The following CDH3 variants were observed in gnomAD, a reference collection of about 807,000 sequenced individuals.
The protein encoded by CDH3 is cadherin-3.
A neutral mutation model predicts 82.0 loss-of-function variants in CDH3; 54 were observed. That is an observed-to-expected ratio of 0.66 (90% CI 0.53 to 0.83). CDH3 has a LOEUF of 0.83. Among genes scored for constraint, CDH3 ranks in the 40% least tolerant of loss-of-function variants. CDH3 has a pLI of 0.00. For missense variants in CDH3, 1,054 were observed against 1,084.6 expected (o/e 0.97, Z 0.40); for synonymous variants, 446 against 437.9 (o/e 1.02, Z -0.23).
At chr16:68,679,487 G>A (rs1272564018) in intron 6 of CDH3, among the ~76,000 whole-genome samples, 1 of 152,072 alleles carries the variant, frequency 6.6e-6, no homozygotes, top group African/African-American at 2.4e-5. Flanking sequence ...GAGATCAGGA[G>A]TTTAAGACCA....
At chr16:68,686,576 G>T in intron 11 of CDH3, 2 of 1,239,058 alleles carry the variant, frequency 1.6e-6, no homozygotes, top group Admixed American at 3.4e-5. Flanking sequence ...TAGCGTGAAA[G>T]TTGGAGATAA....
At position 68,687,603 on chromosome 16, in the gene CDH3, C is replaced by T. The variant is rs1055568830; in HGVS notation, c.1662C>T (p.Thr554=). 5.6e-6 allele frequency: 9 copies of T among 1,614,018 alleles called. No individual in the cohort carries two copies. The African/African-American group carries it at 8.0e-5, about 14-fold the overall frequency. The change falls in exon 12 of 16, where the codon ACC becomes ACT. Residue 554 remains threonine, a synonymous_variant. Transcript: ENST00000264012. Reference sequence around the variant, plus strand: ...CAGTCCCTGAGCCCCGTCAGATCACCATCTGCAACCAAAGCCCTGTGCGCC... The same window carrying T: ...CAGTCCCTGAGCCCCGTCAGATCACTATCTGCAACCAAAGCCCTGTGCGCC... ...HGPVPEPRQI[T]ICNQSPVRQV...
downstream of CDH3, among the ~76,000 whole-genome samples, chr16:68,704,718 G>A (rs778232337): frequency 2.0e-4 from 31 of 152,292 alleles, no homozygotes; most frequent in South Asian, 4.1e-4. Flanking sequence ...ATGTTCTCCC[G>A]CCTCACAACC....
chr16:68,656,283 G>C (rs1960408014), intron 2 of CDH3, among the ~76,000 whole-genome samples: 1 of 152,156 alleles, frequency 6.6e-6, no homozygotes, highest in Non-Finnish European at 1.5e-5. Flanking sequence ...CCTGGAACCA[G>C]GATATTGGCC....
chr16:68,703,319 C>G (rs558343115), downstream of CDH3, among the ~76,000 whole-genome samples: 1 of 152,178 alleles, frequency 6.6e-6, no homozygotes, highest in African/African-American at 2.4e-5. Context: ...CACTCACTTC[C>G]GGGCCCACAA....
chr16:68,658,062 C>CTTTTT (rs113679101), intron 2 of CDH3, among the ~76,000 whole-genome samples: 4 of 126,138 alleles, frequency 3.2e-5, no homozygotes, highest in African/African-American at 8.7e-5. Flanking sequence ...CTTTTTCTTT[C>CTTTTT]TTTTTTTTTT....
chr16:68,731,368 CAAAAAAAAAAAAAAAAA>C (rs869074059), downstream of CDH3, among the ~76,000 whole-genome samples: 16 of 2,270 alleles, frequency 7.0e-3, 1 homozygote, highest in African/African-American at 0.013. Context: ...AACTCCGTCT[CAAAAAAAAAAAAAAAAA>C]AAAAAAAAAA....
chr16:68,665,166 T>G (rs1960699785), intron 2 of CDH3, among the ~76,000 whole-genome samples: 1 of 151,944 alleles, frequency 6.6e-6, no homozygotes, highest in Non-Finnish European at 1.5e-5. Flanking sequence ...CCCAGCACTT[T>G]GGGAGGCTGA....
At chr16:68,672,120 G>GGGGC (rs1960897819) in intron 2 of CDH3, among the ~76,000 whole-genome samples, 1 of 151,552 alleles carries the variant, frequency 6.6e-6, no homozygotes, top group Non-Finnish European at 1.5e-5. Flanking sequence ...TGAACCCCAG[G>GGGGC]GGGCGGAGCC....
intron 1 of CDH3, among the ~76,000 whole-genome samples, chr16:68,719,185 GT>G (rs750155031): frequency 3.3e-5 from 5 of 151,506 alleles, no homozygotes; most frequent in South Asian, 4.2e-4. Flanking sequence ...GGAGGTTGCA[GT>G]GAGTGGAGAT....
At position 68,645,342 on chromosome 16, in the gene CDH3, G is replaced by T; in HGVS notation, c.-38G>T. The T allele has an allele frequency of 6.2e-7, 1 of 1,607,920 alleles. No homozygotes were observed. The highest frequency in any genetic ancestry group is 8.5e-7 in the Non-Finnish European group (1 of 1,176,246). On this transcript the variant is annotated 5_prime_UTR_variant, in exon 1 of 16. Transcript: ENST00000264012. ...CAAGAGCTGAGCGGAACACCGGCCC[G>T]CCGTCGCGGCAGCTGCTTCACCCCT...
intron 3 of CDH3, 120 bp from the exon 4 acceptor site, chr16:68,678,014 A>G (rs1961080503): frequency 4.4e-6 from 4 of 908,872 alleles, no homozygotes; most frequent in South Asian, 2.7e-5. Context: ...CTCCCAAAGT[A>G]CTGGGATTAT....
downstream of CDH3, among the ~76,000 whole-genome samples, chr16:68,730,342 C>T (rs1167159342): frequency 1.3e-5 from 2 of 151,206 alleles, no homozygotes; most frequent in Non-Finnish European, 2.9e-5. Context: ...GCCTGACCAA[C>T]ATGCAGAAAC....
At chr16:68,677,466 G>A (rs973464950) in intron 3 of CDH3, among the ~76,000 whole-genome samples, 4 of 152,206 alleles carry the variant, frequency 2.6e-5, no homozygotes, top group Admixed American at 6.5e-5. Context: ...GGCCGAATGC[G>A]GTGGCTCACG....
intron 13 of CDH3, among the ~76,000 whole-genome samples, chr16:68,693,923 C>A (rs147645649): frequency 6.6e-6 from 1 of 152,134 alleles, no homozygotes; most frequent in African/African-American, 2.4e-5. Context: ...AGCCTGCCAG[C>A]CTTTCAGACC....
At chr16:68,732,161 C>A (rs1000005881), downstream of CDH3, among the ~76,000 whole-genome samples, 1 of 151,988 alleles carries the variant, frequency 6.6e-6, no homozygotes, top group South Asian at 2.1e-4. Flanking sequence ...GCAGCCCAGC[C>A]CAGCAGAGGT....
At chr16:68,684,543 C>T (rs768736745) in intron 9 of CDH3, 40 bp from the exon 10 acceptor site, 1 of 1,613,410 alleles carries the variant, frequency 6.2e-7, no homozygotes, top group South Asian at 1.1e-5. Flanking sequence ...GACCTCCTCT[C>T]AAAATGGTGG....
At chr16:68,705,535 C>T (rs1021270237) in intron 1 of CDH3, among the ~76,000 whole-genome samples, 1 of 151,954 alleles carries the variant, frequency 6.6e-6, no homozygotes, top group Admixed American at 6.6e-5. Flanking sequence ...GATCCTCCTG[C>T]CTCAGCCTCC....
intron 2 of CDH3, chr16:68,651,545 C>A: frequency 2.0e-6 from 1 of 499,448 alleles, no homozygotes; most frequent in Admixed American, 2.3e-5. Flanking sequence ...CCACCCCGCT[C>A]TGCAGCCCCT....
Sources: gnomAD v4.1 joint callset for allele counts (sites outside exome capture counted in the v4.1 genomes callset) on GRCh38, gnomAD v4.1.1 for gene constraint, MANE v1.5 for transcripts, NCBI Gene and HGNC (gene_info 2026-07-23, HGNC 2026-07-21) for gene names.